Variants in ADGRB3 observed in about 807,000 individuals in gnomAD.
The protein encoded by ADGRB3 is adhesion G protein-coupled receptor B3, also known as brain-specific angiogenesis inhibitor 3.
A neutral mutation model predicts 193.4 loss-of-function variants in ADGRB3; 37 were observed. The observed-to-expected ratio is 0.19, with a 90% confidence interval of 0.15 to 0.25. ADGRB3 has a LOEUF of 0.25. Among genes scored for constraint, ADGRB3 ranks in the 10% least tolerant of loss-of-function variants. The probability of loss-of-function intolerance (pLI) is 1.00; values close to 1 mark genes in which losing one functional copy is unlikely to be tolerated. For synonymous variants in ADGRB3, 690 were observed against 644.2 expected (o/e 1.07, Z -1.08); for missense variants, 1,637 against 1,852.9 (o/e 0.88, Z 2.14).
At chr6:69,145,276 G>T (rs1582496488) in intron 17 of ADGRB3, among the ~76,000 whole-genome samples, 2 of 152,352 alleles carry the variant, frequency 1.3e-5, no homozygotes, top group Middle Eastern at 3.4e-3. Context: ...CTGCGGTAGG[G>T]TGGGCAGCTC....
intron 3 of ADGRB3, among the ~76,000 whole-genome samples, chr6:68,641,906 A>G (rs931817720): frequency 3.3e-5 from 5 of 152,056 alleles, no homozygotes; most frequent in Admixed American, 2.6e-4. Context: ...TTTTAAATAA[A>G]CTACCATATA....
chr6:68,859,600 C>T (rs1765093668), intron 3 of ADGRB3, among the ~76,000 whole-genome samples: 1 of 152,142 alleles, frequency 6.6e-6, no homozygotes, highest in African/African-American at 2.4e-5. Flanking sequence ...TGGTGGCAGG[C>T]AAGAGAGAAC....
At chr6:69,019,252 T>G (rs1479920732) in intron 13 of ADGRB3, among the ~76,000 whole-genome samples, 1 of 152,056 alleles carries the variant, frequency 6.6e-6, no homozygotes, top group East Asian at 1.9e-4. Context: ...CAGAATTATT[T>G]TCTTTCATTT....
intron 26 of ADGRB3, among the ~76,000 whole-genome samples, chr6:69,347,667 A>G (rs978463782): frequency 2.0e-5 from 3 of 152,008 alleles, no homozygotes; most frequent in Admixed American, 1.3e-4. Flanking sequence ...CACCTGTATT[A>G]CCAGCTATTC....
chr6:69,195,756 G>A (rs964111065), intron 17 of ADGRB3, among the ~76,000 whole-genome samples: 1 of 152,044 alleles, frequency 6.6e-6, no homozygotes, highest in African/African-American at 2.4e-5. Context: ...ACTGAACAAA[G>A]TCCTGGTGGA....
intron 13 of ADGRB3, among the ~76,000 whole-genome samples, chr6:69,036,282 T>A (rs925033364): frequency 6.6e-6 from 1 of 152,156 alleles, no homozygotes; most frequent in African/African-American, 2.4e-5. Flanking sequence ...TTAATCCTAA[T>A]GAAAGGTTAC....
chr6:69,102,432 G>A (rs773405780), intron 17 of ADGRB3, among the ~76,000 whole-genome samples: 4 of 152,166 alleles, frequency 2.6e-5, no homozygotes, highest in Non-Finnish European at 5.9e-5. Context: ...TGTTTTTAAT[G>A]TACATCTAAA....
intron 3 of ADGRB3, among the ~76,000 whole-genome samples, chr6:68,784,903 G>T (rs991156916): frequency 2.0e-5 from 3 of 152,012 alleles, no homozygotes; most frequent in Admixed American, 6.6e-5. Context: ...ATAGAGTTTA[G>T]TAGTGTTCAT....
Position 68,643,271 on chromosome 6 carries a change from A to G in ADGRB3, c.757+3839A>G, listed in dbSNP as rs569077796. On this transcript the variant is annotated intron_variant, in intron 3 of 31. Coordinates refer to ENST00000370598, the MANE Select transcript of ADGRB3 (RefSeq NM_001704.3). The stretch of plus-strand genomic sequence containing the variant: ...CATAGGCCTGTGTAGACTTTAGTTC[A>G]TGCCTGCGTGTGTATGTGTTGTCAT... Among the ~76,000 whole-genome samples, 179 of 152,148 alleles carry G rather than the reference A, an allele frequency of 1.2e-3. 7 individuals are homozygous for G. In the South Asian group the frequency reaches 0.036, roughly 31 times the overall value.
chr6:69,186,666 G>T (rs1254635773), intron 17 of ADGRB3, among the ~76,000 whole-genome samples: 3 of 152,032 alleles, frequency 2.0e-5, no homozygotes, highest in African/African-American at 7.2e-5. Context: ...AAATCTCCAA[G>T]TTATTGTATT....
chr6:69,262,589 G>A (rs746609071), intron 20 of ADGRB3, among the ~76,000 whole-genome samples: 2 of 151,732 alleles, frequency 1.3e-5, no homozygotes, highest in African/African-American at 4.8e-5. Context: ...TAACAATTGT[G>A]TTTCAAGCAT....
chr6:68,765,578 C>CACACT (rs1766494333), intron 3 of ADGRB3, among the ~76,000 whole-genome samples: 1 of 78,674 alleles, frequency 1.3e-5, no homozygotes, highest in Non-Finnish European at 2.9e-5. Context: ...ACACACACAC[C>CACACT]TGGAGCAGAG....
intron 17 of ADGRB3, among the ~76,000 whole-genome samples, chr6:69,099,084 C>T (rs1772963022): frequency 6.6e-6 from 1 of 152,194 alleles, no homozygotes; most frequent in African/African-American, 2.4e-5. Context: ...CCCCAGGGGA[C>T]ATTTACCAGT....
At chr6:68,716,196 C>G (rs1195038486) in intron 3 of ADGRB3, among the ~76,000 whole-genome samples, 1 of 151,608 alleles carries the variant, frequency 6.6e-6, no homozygotes. Context: ...TTGCTTTTTT[C>G]ATGTAAATGT....
chr6:68,886,770 C>T (rs1408788967), intron 3 of ADGRB3, among the ~76,000 whole-genome samples: 1 of 151,982 alleles, frequency 6.6e-6, no homozygotes, highest in Non-Finnish European at 1.5e-5. Context: ...TCTGTGTATA[C>T]ATAAAATATC....
chr6:68,825,907 G>A (rs79078295), intron 3 of ADGRB3, among the ~76,000 whole-genome samples: 10,507 of 152,158 alleles, frequency 0.069, 1,166 homozygotes, highest in African/African-American at 0.24. Context: ...CTCTACAGCA[G>A]TGTGAGAATG....
At chr6:68,869,610 C>G (rs193110829) in intron 3 of ADGRB3, among the ~76,000 whole-genome samples, 2 of 152,156 alleles carry the variant, frequency 1.3e-5, no homozygotes, top group African/African-American at 4.8e-5. Context: ...AATGTCTATT[C>G]CTAAGATAAA....
chr6:68,873,984 G>C (rs918233964), intron 3 of ADGRB3, among the ~76,000 whole-genome samples: 7 of 151,986 alleles, frequency 4.6e-5, no homozygotes, highest in African/African-American at 1.7e-4. Flanking sequence ...ATTTATATTA[G>C]TTGTTAAATA....
At chr6:69,337,879 C>T (rs1768886317) in intron 24 of ADGRB3, among the ~76,000 whole-genome samples, 1 of 151,152 alleles carries the variant, frequency 6.6e-6, no homozygotes, top group Non-Finnish European at 1.5e-5. Context: ...AGTAATGCAA[C>T]TCCGCTATAA....
Sources: allele counts gnomAD v4.1 joint callset (sites outside exome capture counted in the v4.1 genomes callset), GRCh38; gene constraint gnomAD v4.1.1; transcripts MANE v1.5; gene names NCBI Gene and HGNC (gene_info 2026-07-23, HGNC 2026-07-21).